The following ADGRV1 variants were observed in gnomAD, a reference collection of about 807,000 sequenced individuals.
The protein encoded by ADGRV1 is G-protein coupled receptor 98.
Under a neutral mutation model 596.2 loss-of-function variants are expected in ADGRV1, and 359 were observed. That is an observed-to-expected ratio of 0.60 (90% CI 0.55 to 0.66). The LOEUF is 0.66. Ranked by LOEUF, ADGRV1 falls within the 30% of genes least tolerant of loss-of-function variation. The probability of loss-of-function intolerance (pLI) is 0.00; values close to 1 mark genes in which losing one functional copy is unlikely to be tolerated. For synonymous variants in ADGRV1, 2,681 were observed against 2,679.2 expected (o/e 1.00, Z -0.02); for missense variants, 7,274 against 7,575.6 (o/e 0.96, Z 1.48).
chr5:90,789,348 A>G (rs1263431475), intron 68 of ADGRV1, among the ~76,000 whole-genome samples: 2 of 152,208 alleles, frequency 1.3e-5, no homozygotes, highest in African/African-American at 4.8e-5. Flanking sequence ...CACTCCATGT[A>G]TATCATAGCT....
In ADGRV1 at chr5:90,822,110, A is replaced by G. The variant is rs184134535; in HGVS notation, c.16197-1315A>G. 1,246 of 155,348 alleles carry G rather than the reference A, an allele frequency of 8.0e-3. 3 individuals carry two copies. Among genetic ancestry groups the G allele is most frequent in the Non-Finnish European group, 0.012 (827 of 70,514 alleles). The allele number at this position is 155,348 out of a possible 1,614,324, so 9.6% of individuals were successfully genotyped here. On this transcript the variant is annotated intron_variant, in intron 75 of 89. Transcript: ENST00000405460. ...CCCTCCGAGCCAGGTGCGGGATATA[A>G]TCTCGTGGTGTGCCGTTTTTTAAGC...
chr5:90,834,698 G>T (rs566560803), intron 77 of ADGRV1, among the ~76,000 whole-genome samples: 1 of 151,474 alleles, frequency 6.6e-6, no homozygotes, highest in East Asian at 1.9e-4. Context: ...TCTACGTTTG[G>T]GAAGTTCTCA....
rs200797763 is a variant in ADGRV1, at chr5:90,629,318, A to T, written c.1618A>T (p.Ser540Cys). The T allele has an allele frequency of 7.4e-6, 12 of 1,613,618 alleles. No individual in the cohort carries two copies. In the Admixed American group the frequency reaches 2.0e-4, roughly 27 times the overall value. Residue 540 changes from serine to cysteine, a missense_variant, in exon 9 of 90, where the codon AGT (serine) becomes TGT (cysteine). Ser to Cys is a moderately radical substitution (Grantham distance 112). Around this residue, in one of 5 missense-constraint regions of ADGRV1, gnomAD observed 1,715 missense variants for 1,708.8 expected, o/e 1.00. Coordinates refer to ENST00000405460, the MANE Select transcript of ADGRV1 (RefSeq NM_032119.4). ...SSPGERYLSLSFTRLGGTKGD... is the reference protein window; with the variant it reads ...SSPGERYLSLCFTRLGGTKGD... ...CCCAGGTGAACGATACTTATCCTTG[A>T]GTTTTACAAGACTAGGAGGGACTAA...
intron 3 of ADGRV1, among the ~76,000 whole-genome samples, chr5:90,618,821 G>A (rs1180592314): frequency 6.6e-6 from 1 of 151,576 alleles, no homozygotes; most frequent in Non-Finnish European, 1.5e-5. Flanking sequence ...AGTATTATTA[G>A]CCAGTGATTA....
chr5:90,720,211 C>T lies in ADGRV1; in HGVS notation c.9611C>T (p.Ala3204Val), dbSNP rs1750732612. 1 of 1,547,504 alleles carries T rather than the reference C, an allele frequency of 6.5e-7. No homozygotes were observed. Among genetic ancestry groups the T allele is most frequent in the Non-Finnish European group, 8.7e-7 (1 of 1,146,274 alleles). ...CCTTTGGGGCTATTCAGTATCTCTG[C>T]AGTTGAAAATAGGTATAGTTTATTC... ...QAPLGLFSIS[A>V]VENRATSIDI... The change falls in exon 44 of 90, where the codon GCA (alanine) becomes GTA (valine). Residue 3204 changes from alanine (A) to valine (V), a missense_variant. By Grantham distance (64) the Ala-to-Val change is moderately conservative (BLOSUM62 0). Coordinates refer to ENST00000405460, the MANE Select transcript of ADGRV1 (RefSeq NM_032119.4).
chr5:91,042,482 T>C (rs1431077267), intron 85 of ADGRV1, among the ~76,000 whole-genome samples: 1 of 152,190 alleles, frequency 6.6e-6, no homozygotes, highest in Non-Finnish European at 1.5e-5. Flanking sequence ...GCCAATCACA[T>C]TGCAGACAGC....
chr5:90,564,953 G>A (rs995103609), intron 1 of ADGRV1, among the ~76,000 whole-genome samples: 21 of 151,892 alleles, frequency 1.4e-4, no homozygotes, highest in African/African-American at 4.6e-4. Context: ...AAAAGTTGTG[G>A]CCTGGGCGTG....
At chr5:90,796,056 A>G (rs1331170669) in intron 70 of ADGRV1, among the ~76,000 whole-genome samples, 2 of 152,206 alleles carry the variant, frequency 1.3e-5, no homozygotes, top group East Asian at 3.8e-4. Context: ...TCCAAAAACC[A>G]GAACGCTGCT....
At chr5:90,796,402 G>A (rs966117850) in intron 70 of ADGRV1, among the ~76,000 whole-genome samples, 1 of 151,608 alleles carries the variant, frequency 6.6e-6, no homozygotes, top group Non-Finnish European at 1.5e-5. Flanking sequence ...GCTTAATGAA[G>A]TAAAGCAAGA....
At chr5:90,854,329 A>C in intron 81 of ADGRV1, 128 bp downstream of exon 81, 1 of 616,414 alleles carries the variant, frequency 1.6e-6, no homozygotes, top group Admixed American at 3.1e-5. Flanking sequence ...TAACCTCCAC[A>C]ATAAATAAGA....
intron 82 of ADGRV1, among the ~76,000 whole-genome samples, chr5:90,857,624 T>C (rs1439248670): frequency 6.6e-6 from 1 of 152,208 alleles, no homozygotes. Context: ...TTTGAAATTA[T>C]TTTATTCTCT....
At chr5:90,824,993 G>A (rs1763951119) in intron 76 of ADGRV1, among the ~76,000 whole-genome samples, 1 of 151,842 alleles carries the variant, frequency 6.6e-6, no homozygotes, top group Admixed American at 6.6e-5. Flanking sequence ...CTGCAGTGCA[G>A]TGCTGTGATC....
At chr5:90,867,969 G>A (rs531124461) in intron 83 of ADGRV1, among the ~76,000 whole-genome samples, 100 of 152,262 alleles carry the variant, frequency 6.6e-4, no homozygotes, top group African/African-American at 2.4e-3. Context: ...AAATTGAGAA[G>A]CAGAGGGTCA....
intron 77 of ADGRV1, among the ~76,000 whole-genome samples, chr5:90,836,459 A>T (rs140695476): frequency 3.3e-5 from 5 of 152,290 alleles, no homozygotes; most frequent in African/African-American, 1.2e-4. Context: ...CTAAGTAAAA[A>T]AAAAAGCTGA....
At position 91,150,074 on chromosome 5, in the gene ADGRV1, G is replaced by A. The variant is rs377227875; in HGVS notation, c.18477G>A (p.Met6159Ile). The change falls in exon 88 of 90, where the codon ATG becomes ATA. Residue 6159 changes from methionine to isoleucine, a missense_variant. Met to Ile is a conservative substitution (Grantham distance 10). Around this residue, in one of 5 missense-constraint regions of ADGRV1, gnomAD observed 1,874 missense variants for 1,970.2 expected, o/e 0.95. Transcript: ENST00000405460. ...TTTATTTCATTTTACACAACCAAAT[G>A]TGTTGCCCTATGAAGGCCAGTTACA... ...FMVYFILHNQ[M>I]CCPMKASYTV... The A allele has an allele frequency of 4.6e-6, 7 of 1,525,422 alleles. No individual in the cohort carries two copies. Among genetic ancestry groups the A allele is most frequent in the East Asian group, 2.6e-5 (1 of 39,096 alleles). The allele number at this position is 1,525,422 out of a possible 1,614,324, so 94.5% of individuals were successfully genotyped here.
At chr5:90,584,453 T>C (rs970751777) in intron 1 of ADGRV1, among the ~76,000 whole-genome samples, 1 of 152,230 alleles carries the variant, frequency 6.6e-6, no homozygotes, top group Non-Finnish European at 1.5e-5. Flanking sequence ...CTCTAAAAAT[T>C]AATGACTTAA....
At chr5:90,676,680 A>G (rs1744266990) in intron 25 of ADGRV1, 4 of 154,316 alleles carry the variant, frequency 2.6e-5, no homozygotes, top group Admixed American at 2.0e-4. Context: ...GTATAAGTGT[A>G]CTAAGTCACC....
At chr5:90,721,518 A>ATTAAAAT (rs1389910760) in intron 45 of ADGRV1, among the ~76,000 whole-genome samples, 4 of 98,010 alleles carry the variant, frequency 4.1e-5, no homozygotes, top group African/African-American at 1.1e-4. Flanking sequence ...ATAAAATAAA[A>ATTAAAAT]TAAAATAAAA....
chr5:90,807,771 T>C (rs923937242), intron 73 of ADGRV1, 34 bp downstream of exon 73: 34 of 1,491,826 alleles, frequency 2.3e-5, no homozygotes, highest in Non-Finnish European at 3.1e-5. Flanking sequence ...CAAGAAATTC[T>C]CTGAGGAATA....
Sources: allele counts gnomAD v4.1 joint callset (sites outside exome capture counted in the v4.1 genomes callset), GRCh38; gene constraint gnomAD v4.1.1; regional missense constraint gnomAD v4.1.1; transcripts MANE v1.5; gene names NCBI Gene and HGNC (gene_info 2026-07-23, HGNC 2026-07-21).